PUDP: variants seen among roughly 807,000 people sequenced by gnomAD.
The protein encoded by PUDP is pseudouridine 5'-phosphatase.
PUDP carries 8 observed loss-of-function variants against 9.4 expected under a neutral mutation model. The observed-to-expected ratio is 0.85, with a 90% CI of 0.50 to 1.53. The LOEUF (loss-of-function observed/expected upper bound fraction) is 1.53, where lower values mean the gene tolerates loss of function less well. Ranked by LOEUF, PUDP falls within the 40% of genes most tolerant of loss-of-function variation. The pLI is 0.00. For synonymous variants in PUDP, 99 were observed against 80.7 expected (o/e 1.23, Z -1.22); for missense variants, 188 against 189.7 (o/e 0.99, Z 0.05).
intron 1 of PUDP, chrX:7,117,154 C>T: frequency 2.0e-6 from 2 of 999,591 alleles, no homozygotes; most frequent in South Asian, 2.5e-5. Flanking sequence ...TGGCGTGTTG[C>T]TACAAGGATA....
chrX:6,789,064 C>T (rs1602619652), intron 3 of PUDP, among the ~76,000 whole-genome samples: 1 of 111,188 alleles, frequency 9.0e-6, no homozygotes, highest in Non-Finnish European at 1.9e-5. Context: ...CTGAGGCAGG[C>T]GGATCACTTG....
chrX:6,894,928 CT>C (rs1306991023), intron 3 of PUDP, among the ~76,000 whole-genome samples: 3 of 111,294 alleles, frequency 2.7e-5, no homozygotes, highest in Non-Finnish European at 5.6e-5. Flanking sequence ...TCAACAATTA[CT>C]TCAAAAAAGA....
At chrX:6,766,174 G>T (rs955060692) in intron 3 of PUDP, among the ~76,000 whole-genome samples, 3 of 111,708 alleles carry the variant, frequency 2.7e-5, no homozygotes, top group African/African-American at 9.7e-5. Context: ...AAATCAGGAC[G>T]TTCTCCAATG....
chrX:6,751,135 C>T (rs973305488), intron 3 of PUDP, among the ~76,000 whole-genome samples: 1 of 103,039 alleles, frequency 9.7e-6, no homozygotes, highest in African/African-American at 3.6e-5. Flanking sequence ...GAGTGAGAAT[C>T]CGTCTAAAAA....
chrX:7,086,375 A>T lies in PUDP; in HGVS notation c.281-8926T>A, dbSNP rs749163260. Reference sequence around the variant, plus strand: ...TAAGTATAAATTTAAAAGAAATATTAACTAATTTAGGAAATCTGGCTAATA... The same window carrying T: ...TAAGTATAAATTTAAAAGAAATATTTACTAATTTAGGAAATCTGGCTAATA... On this transcript the variant is annotated intron_variant, in intron 2 of 3. Transcript: ENST00000381077. Among the ~76,000 whole-genome samples, 8 of 112,698 alleles carry T rather than the reference A, an allele frequency of 7.1e-5. No individual in the cohort carries two copies. The Admixed American group carries it at 7.5e-4, about 11-fold the overall frequency.
chrX:6,927,582 G>A (rs557526342), intron 3 of PUDP, among the ~76,000 whole-genome samples: 22 of 111,825 alleles, frequency 2.0e-4, no homozygotes, highest in Middle Eastern at 9.3e-3. Flanking sequence ...TGTGCCCATA[G>A]CACAGAGAGC....
At chrX:6,833,644 T>C (rs1569107913) in intron 3 of PUDP, among the ~76,000 whole-genome samples, 1 of 111,958 alleles carries the variant, frequency 8.9e-6, no homozygotes, top group Admixed American at 9.5e-5. Context: ...TAGAAATAGA[T>C]ACATGGATAG....
At chrX:6,930,897 A>C (rs1928180107) in intron 3 of PUDP, among the ~76,000 whole-genome samples, 1 of 110,047 alleles carries the variant, frequency 9.1e-6, no homozygotes, top group Admixed American at 9.7e-5. Context: ...AAGTTTCTTA[A>C]CAAAATAGAG....
chrX:6,731,958 T>A lies in PUDP; in HGVS notation c.*248-25492A>T, dbSNP rs768245077. Among the ~76,000 whole-genome samples the A allele has an allele frequency of 2.7e-5, 3 of 112,207 alleles. No individual in the cohort carries two copies. In the East Asian group the frequency reaches 8.4e-4, roughly 31 times the overall value. ...GACTGTAGACAGGTCCCATTTGTAC[T>A]CCATCATATTTCATATATAAATACA... is the stretch of plus-strand genomic sequence containing the variant. On this transcript the variant is annotated intron_variant and NMD_transcript_variant, in intron 3 of 3. Coordinates refer to the PUDP transcript ENST00000655425.
At chrX:6,772,601 T>C (rs1925381991) in intron 3 of PUDP, among the ~76,000 whole-genome samples, 1 of 103,134 alleles carries the variant, frequency 9.7e-6, no homozygotes, top group African/African-American at 3.5e-5. Flanking sequence ...CAGTATGGAT[T>C]ATCTGACTTT....
intron 3 of PUDP, among the ~76,000 whole-genome samples, chrX:6,916,241 CA>C (rs1569122788): frequency 0.01 from 884 of 84,316 alleles, 15 homozygotes; most frequent in African/African-American, 0.041. Flanking sequence ...CACACACACA[CA>C]CACACACCCT....
intron 3 of PUDP, among the ~76,000 whole-genome samples, chrX:6,779,884 G>A (rs937259268): frequency 1.8e-5 from 2 of 110,935 alleles, no homozygotes; most frequent in Non-Finnish European, 3.8e-5. Flanking sequence ...CTATGTTCAC[G>A]CCACTGCACT....
chrX:6,711,867 C>T lies in PUDP; in HGVS notation n.129-5401G>A, dbSNP rs1056856682. On this transcript the variant is annotated intron_variant and non_coding_transcript_variant, in intron 1 of 2. Transcript: ENST00000438499. ...AGCACTGCTTCTCCACTGTGTCCAG[C>T]TCACAGGGCCTGGGTGCCTCAGGCA... Among the ~76,000 whole-genome samples the T allele has an allele frequency of 1.3e-4, 15 of 112,415 alleles. 2 individuals carry two copies. The highest frequency in any genetic ancestry group is 1.3e-3 in the Admixed American group (14 of 10,621).
chrX:6,789,329 A>G (rs1196775933), intron 3 of PUDP, among the ~76,000 whole-genome samples: 1 of 110,162 alleles, frequency 9.1e-6, no homozygotes, highest in Non-Finnish European at 1.9e-5. Context: ...AAATAAATAG[A>G]AGAAGCAACA....
At chrX:7,074,966 G>A (rs748603600) in intron 3 of PUDP, among the ~76,000 whole-genome samples, 1 of 112,160 alleles carries the variant, frequency 8.9e-6, no homozygotes, top group East Asian at 2.8e-4. Flanking sequence ...AATCAAGAAT[G>A]AGATTTCAAT....
At chrX:7,104,076 T>C (rs1338248580) in intron 2 of PUDP, among the ~76,000 whole-genome samples, 1 of 112,251 alleles carries the variant, frequency 8.9e-6, no homozygotes, top group African/African-American at 3.2e-5. Flanking sequence ...AAGCAGGATC[T>C]CAAAGAGATA....
chrX:6,837,769 C>A (rs1926605210), intron 3 of PUDP, among the ~76,000 whole-genome samples: 1 of 111,327 alleles, frequency 9.0e-6, no homozygotes, highest in Non-Finnish European at 1.9e-5. Context: ...TTGGAAAATG[C>A]CCCAGCCCTT....
At chrX:6,858,328 T>G (rs1183175769) in intron 3 of PUDP, among the ~76,000 whole-genome samples, 5 of 97,797 alleles carry the variant, frequency 5.1e-5, no homozygotes, top group African/African-American at 1.9e-4. Context: ...CTTTCTTTTT[T>G]TTTTTTCTTT....
At chrX:6,777,943 C>T (rs1466588626) in intron 3 of PUDP, among the ~76,000 whole-genome samples, 4 of 112,081 alleles carry the variant, frequency 3.6e-5, no homozygotes, top group Non-Finnish European at 5.6e-5. Flanking sequence ...TTGAGAGGTG[C>T]AAATGAGCAA....
Sources: gnomAD v4.1 joint callset for allele counts (sites outside exome capture counted in the v4.1 genomes callset) on GRCh38, gnomAD v4.1.1 for gene constraint, MANE v1.5 for transcripts, NCBI Gene and HGNC (gene_info 2026-07-23, HGNC 2026-07-21) for gene names.